The following SEMA5B variants were observed in gnomAD, a reference collection of about 807,000 sequenced individuals.
The protein encoded by SEMA5B is semaphorin 5B, also known as semaphorin-5B.
In SEMA5B, 66 loss-of-function variants were observed where a neutral mutation model predicts 135.0. The observed-to-expected ratio is 0.49, with a 90% CI of 0.40 to 0.60. SEMA5B has a LOEUF of 0.60. Among genes scored for constraint, SEMA5B ranks in the 20% least tolerant of loss-of-function variants. The pLI, the probability that SEMA5B is intolerant of heterozygous loss-of-function variation, is 0.00. For synonymous variants in SEMA5B, 690 were observed against 639.5 expected (o/e 1.08, Z -1.19); for missense variants, 1,501 against 1,566.3 (o/e 0.96, Z 0.70).
rs368407784 is a variant in SEMA5B, at chr3:122,961,123, C to T, written c.124+17G>A. The T allele has an allele frequency of 6.3e-7, 1 of 1,599,010 alleles. No homozygotes were observed. The highest frequency in any genetic ancestry group is 1.3e-5 in the African/African-American group (1 of 74,746). On this transcript the variant is annotated intron_variant, in intron 2 of 22. Transcript: ENST00000357599. The stretch of plus-strand genomic sequence containing the variant: ...GGTACCTGCTGCAGCCCCCCACACT[C>T]CCCTGGGCACACTTACCCCTGACCA...
At chr3:122,946,989 G>C (rs1939816935) in intron 3 of SEMA5B, among the ~76,000 whole-genome samples, 2 of 152,052 alleles carry the variant, frequency 1.3e-5, no homozygotes, top group African/African-American at 4.8e-5. Context: ...CACAGATGGA[G>C]ACCTGATTGG....
At chr3:123,024,142 A>G (rs901977916) in intron 1 of SEMA5B, among the ~76,000 whole-genome samples, 5 of 152,212 alleles carry the variant, frequency 3.3e-5, no homozygotes, top group Non-Finnish European at 5.9e-5. Flanking sequence ...TTGGCTGGTA[A>G]TGAGTTGCTA....
Position 122,913,974 on chromosome 3 carries a change from C to T in SEMA5B, c.2016G>A (p.Ser672=), listed in dbSNP as rs143077174. The T allele has an allele frequency of 1.4e-4, 221 of 1,607,612 alleles. No homozygotes were observed. In the African/African-American group the frequency reaches 2.1e-3, roughly 15 times the overall value. The change falls in exon 15 of 23, where the codon TCG becomes TCA. Residue 672 remains serine (S), a synonymous_variant. Transcript: ENST00000357599. ...SRNGAWTPWS[S]WALCSTSCGI... ...CACAGGACGTGCTGCACAGCGCCCA[C>T]GATGACCACGGGGTCCACGCCCCAT...
At chr3:122,965,999 G>T (rs1940800460) in intron 1 of SEMA5B, among the ~76,000 whole-genome samples, 1 of 152,190 alleles carries the variant, frequency 6.6e-6, no homozygotes, top group Non-Finnish European at 1.5e-5. Flanking sequence ...TCTTGGCACA[G>T]GTGGCCCAGC....
intron 21 of SEMA5B, 167 bp downstream of exon 21, chr3:122,911,324 G>C (rs1412756598): frequency 2.6e-6 from 4 of 1,519,992 alleles, no homozygotes; most frequent in Admixed American, 2.0e-5. Context: ...TAGCTGGGGG[G>C]GGCATGGAGG....
chr3:123,017,923 A>G (rs1049147588), intron 1 of SEMA5B, among the ~76,000 whole-genome samples: 1 of 152,058 alleles, frequency 6.6e-6, no homozygotes, highest in Non-Finnish European at 1.5e-5. Flanking sequence ...AAAAAAGAAA[A>G]AAAAAAAAAA....
intron 1 of SEMA5B, among the ~76,000 whole-genome samples, chr3:122,987,552 G>A (rs1462062677): frequency 6.6e-6 from 1 of 152,186 alleles, no homozygotes; most frequent in Non-Finnish European, 1.5e-5. Context: ...TCTGCTCCTT[G>A]GGGATAGAGC....
intron 1 of SEMA5B, among the ~76,000 whole-genome samples, chr3:123,002,800 T>C (rs183947682): frequency 1.1e-3 from 162 of 152,382 alleles, no homozygotes; most frequent in African/African-American, 3.7e-3. Context: ...GGATGCCATT[T>C]CCAAATTAAA....
intron 3 of SEMA5B, 120 bp downstream of exon 3, chr3:122,948,386 C>T: frequency 1.3e-6 from 1 of 799,836 alleles, no homozygotes; most frequent in Non-Finnish European, 1.9e-6. Context: ...GGGACGGGAC[C>T]CAGCAGTTAA....
At chr3:122,928,967 G>T in intron 6 of SEMA5B, 29 bp downstream of exon 6, 1 of 1,609,358 alleles carries the variant, frequency 6.2e-7, no homozygotes. Context: ...AGCTCCAGGT[G>T]GGGCCCCTGG....
chr3:122,947,822 G>T (rs1329525740), intron 3 of SEMA5B, among the ~76,000 whole-genome samples: 1 of 152,180 alleles, frequency 6.6e-6, no homozygotes, highest in Non-Finnish European at 1.5e-5. Context: ...AAGTACTAAT[G>T]TGACTGTAAC....
At chr3:122,918,133 CTAA>C (rs921112583) in intron 12 of SEMA5B, among the ~76,000 whole-genome samples, 1 of 152,174 alleles carries the variant, frequency 6.6e-6, no homozygotes, top group African/African-American at 2.4e-5. Flanking sequence ...TAGCTAGTGA[CTAA>C]TAATAATAAT....
chr3:122,988,693 C>G (rs546513225), intron 1 of SEMA5B, among the ~76,000 whole-genome samples: 1 of 152,202 alleles, frequency 6.6e-6, no homozygotes, highest in Non-Finnish European at 1.5e-5. Flanking sequence ...TCTGTTATCT[C>G]CTAAGGCCTT....
intron 1 of SEMA5B, among the ~76,000 whole-genome samples, chr3:122,971,847 G>T (rs1289252211): frequency 6.6e-6 from 1 of 152,232 alleles, no homozygotes; most frequent in Non-Finnish European, 1.5e-5. Context: ...GATTCCAGTG[G>T]GAGCAACAGG....
At chr3:122,960,780 T>C (rs1346454962) in intron 2 of SEMA5B, among the ~76,000 whole-genome samples, 7 of 152,104 alleles carry the variant, frequency 4.6e-5, no homozygotes, top group Non-Finnish European at 1.0e-4. Flanking sequence ...GTCAAATCCA[T>C]GGAGACAGAA....
intron 1 of SEMA5B, among the ~76,000 whole-genome samples, chr3:123,015,191 A>G (rs772031993): frequency 9.9e-5 from 15 of 152,218 alleles, no homozygotes; most frequent in Non-Finnish European, 2.2e-4. Flanking sequence ...CTGGAAGACA[A>G]TAAGTTTCTG....
intron 1 of SEMA5B, among the ~76,000 whole-genome samples, chr3:123,000,436 C>A (rs1299772330): frequency 6.6e-6 from 1 of 152,032 alleles, no homozygotes; most frequent in Admixed American, 6.5e-5. Context: ...AAAGGGGTGG[C>A]CTTGGAGGTC....
At chr3:122,956,663 G>A (rs527890581) in intron 2 of SEMA5B, among the ~76,000 whole-genome samples, 48 of 152,172 alleles carry the variant, frequency 3.2e-4, no homozygotes, top group African/African-American at 1.0e-3. Context: ...CTGCACAACC[G>A]AACCCTCCCC....
intron 4 of SEMA5B, 32 bp from the exon 5 acceptor site, chr3:122,939,502 C>A: frequency 6.3e-7 from 1 of 1,596,268 alleles, no homozygotes; most frequent in Non-Finnish European, 8.6e-7. Context: ...TCCTAAGTGA[C>A]GCTGGTTCTG....
Sources: allele counts gnomAD v4.1 joint callset (sites outside exome capture counted in the v4.1 genomes callset), GRCh38; gene constraint gnomAD v4.1.1; transcripts MANE v1.5; gene names NCBI Gene and HGNC (gene_info 2026-07-23, HGNC 2026-07-21).